Variants in FGD4 observed in about 807,000 individuals in gnomAD.
FGD4 encodes the protein FYVE, RhoGEF and PH domain-containing protein 4.
In FGD4, 42 loss-of-function variants were observed where a neutral mutation model predicts 102.0. That is an observed-to-expected ratio of 0.41 (90% CI 0.32 to 0.53). FGD4 has a LOEUF of 0.53. FGD4 is among the 20% of genes least tolerant of loss of function. The pLI, the probability that FGD4 is intolerant of heterozygous loss-of-function variation, is 0.21. For synonymous variants in FGD4, 380 were observed against 375.7 expected (o/e 1.01, Z -0.13); for missense variants, 902 against 1,078.2 (o/e 0.84, Z 2.29).
intron 1 of FGD4, among the ~76,000 whole-genome samples, chr12:32,402,958 T>C (rs1308443520): frequency 6.6e-6 from 1 of 152,166 alleles, no homozygotes; most frequent in African/African-American, 2.4e-5. Context: ...TATCATTAGA[T>C]AAGTCTGTTC....
At chr12:32,504,612 CTTTTCAATTCT>C (rs1009088749) in intron 1 of FGD4, among the ~76,000 whole-genome samples, 4 of 152,170 alleles carry the variant, frequency 2.6e-5, no homozygotes, top group African/African-American at 9.7e-5. Context: ...GGGCTTGATG[CTTTTCAATTCT>C]TCAATACAAC....
chr12:32,582,392 A>C lies in FGD4; in HGVS notation c.936A>C (p.Glu312Asp). 1 of 1,614,128 alleles carries C rather than the reference A, an allele frequency of 6.2e-7. No homozygotes were observed. The highest frequency in any genetic ancestry group is 1.1e-5 in the South Asian group (1 of 91,088). ...LPLEERGAETETKVQERENGE... is the reference protein window; with the variant it reads ...LPLEERGAETDTKVQERENGE... Reference sequence around the variant, plus strand: ...TAGAAGAAAGAGGGGCAGAAACAGAAACCAAGGTACAAGAGAGGGAAAATG... The same window carrying C: ...TAGAAGAAAGAGGGGCAGAAACAGACACCAAGGTACAAGAGAGGGAAAATG... The change falls in exon 4 of 17, where the codon GAA becomes GAC. Residue 312 changes from glutamate (E) to aspartate (D), a missense_variant. Glu to Asp is a conservative substitution (Grantham distance 45). Coordinates refer to ENST00000534526, the MANE Select transcript of FGD4 (RefSeq NM_001370298.3).
At chr12:32,601,566 G>T in intron 6 of FGD4, 143 bp downstream of exon 6, 1 of 1,013,438 alleles carries the variant, frequency 9.9e-7, no homozygotes. Context: ...GATAGAAGTT[G>T]TGGTACAAAG....
chr12:32,640,176 G>T (rs182401935), intron 16 of FGD4, 100 bp from the exon 17 acceptor site: 1 of 1,586,810 alleles, frequency 6.3e-7, no homozygotes, highest in Non-Finnish European at 8.6e-7. Flanking sequence ...GTTTAAGTCT[G>T]TTTGGGACAG....
intron 1 of FGD4, chr12:32,485,957 T>C: frequency 7.7e-7 from 1 of 1,303,318 alleles, no homozygotes; most frequent in Non-Finnish European, 9.7e-7. Context: ...GAAACAGAAC[T>C]CTGTACTTCC....
At chr12:32,526,287 C>G (rs12820309) in intron 1 of FGD4, among the ~76,000 whole-genome samples, 2,246 of 151,756 alleles carry the variant, frequency 0.015, 37 homozygotes, top group Non-Finnish European at 0.019. Context: ...ACCTTTATGT[C>G]TAGCTCAAGG....
At chr12:32,523,741 G>A (rs890612608) in intron 1 of FGD4, among the ~76,000 whole-genome samples, 6 of 152,132 alleles carry the variant, frequency 3.9e-5, no homozygotes, top group Non-Finnish European at 7.4e-5. Flanking sequence ...TTGGGAGGCC[G>A]AGGCGGGCAG....
chr12:32,417,174 A>G (rs1230939492), intron 1 of FGD4, among the ~76,000 whole-genome samples: 1 of 152,028 alleles, frequency 6.6e-6, no homozygotes, highest in Non-Finnish European at 1.5e-5. Context: ...AATTACGGGC[A>G]TGAGCCACCG....
At chr12:32,539,575 G>GT (rs1942628137) in intron 1 of FGD4, among the ~76,000 whole-genome samples, 1 of 149,580 alleles carries the variant, frequency 6.7e-6, no homozygotes, top group African/African-American at 2.5e-5. Flanking sequence ...GTCTCAGGGG[G>GT]GAAAAAAAAA....
At chr12:32,473,320 T>C (rs10771956) in intron 1 of FGD4, among the ~76,000 whole-genome samples, 147,463 of 151,924 alleles carry the variant, frequency 0.97, 71,752 homozygotes, top group East Asian at 1. Flanking sequence ...ACTGCTCACT[T>C]TTTGGGTCCA....
At chr12:32,421,343 T>G (rs933518421) in intron 1 of FGD4, among the ~76,000 whole-genome samples, 1 of 152,234 alleles carries the variant, frequency 6.6e-6, no homozygotes, top group Non-Finnish European at 1.5e-5. Flanking sequence ...GAGAATAGTA[T>G]ACTTTTTGTT....
At chr12:32,601,202 C>A in intron 5 of FGD4, 76 bp from the exon 6 acceptor site, 2 of 1,475,638 alleles carry the variant, frequency 1.4e-6, no homozygotes, top group Non-Finnish European at 1.9e-6. Flanking sequence ...TACTAAGAGC[C>A]CACTATGTGC....
At chr12:32,437,145 C>G (rs1015409261) in intron 1 of FGD4, among the ~76,000 whole-genome samples, 10 of 149,372 alleles carry the variant, frequency 6.7e-5, no homozygotes, top group Non-Finnish European at 1.3e-4. Context: ...AAACAAATCA[C>G]ACAGAACATG....
intron 2 of FGD4, among the ~76,000 whole-genome samples, chr12:32,571,454 C>CA (rs567887606): frequency 0.016 from 1,833 of 117,964 alleles, 24 homozygotes; most frequent in South Asian, 0.075. Context: ...GATTCTGTCT[C>CA]AAAAAAAAAA....
intron 1 of FGD4, among the ~76,000 whole-genome samples, chr12:32,426,322 C>A (rs967271935): frequency 1.3e-5 from 2 of 152,170 alleles, no homozygotes; most frequent in Admixed American, 6.6e-5. Context: ...TTGAGATAAT[C>A]ATGTGGTTTT....
chr12:32,412,797 G>T (rs750693680), intron 1 of FGD4, among the ~76,000 whole-genome samples: 5 of 151,500 alleles, frequency 3.3e-5, no homozygotes, highest in African/African-American at 7.3e-5. Context: ...GGCCAGGATG[G>T]TCTCAATCTC....
rs1949117700 is a variant in FGD4 at position 32,611,269 on chromosome 12, C to T, written c.1735C>T (p.Arg579Cys). 4 of 1,614,148 alleles carry T rather than the reference C, an allele frequency of 2.5e-6. No homozygotes were observed. The highest frequency in any genetic ancestry group is 3.4e-6 in the Non-Finnish European group (4 of 1,180,026). Residue 579 changes from arginine (R) to cysteine (C), a missense_variant, in exon 10 of 17, where the codon CGC becomes TGC. By Grantham distance (180) the Arg-to-Cys change is radical (BLOSUM62 -3). Transcript: ENST00000534526. Reference sequence around the variant, plus strand: ...TGCTCGGAACACTTCAGCACAAGAACGCTACCTTTTCTTAGTGAGTATTAT... The same window carrying T: ...TGCTCGGAACACTTCAGCACAAGAATGCTACCTTTTCTTAGTGAGTATTAT... The part of the protein sequence containing the change: ...LAARNTSAQE[R>C]YLFLFNNMLL...
intron 1 of FGD4, among the ~76,000 whole-genome samples, chr12:32,536,417 A>G (rs1261813068): frequency 6.6e-6 from 1 of 152,176 alleles, no homozygotes; most frequent in Non-Finnish European, 1.5e-5. Flanking sequence ...ATAAAAAGGT[A>G]TTTTCTTAGA....
chr12:32,533,799 T>C (rs942669885), intron 1 of FGD4, among the ~76,000 whole-genome samples: 6 of 152,224 alleles, frequency 3.9e-5, no homozygotes, highest in African/African-American at 1.4e-4. Flanking sequence ...TAAAAATGAG[T>C]AATAAATATT....
Sources: gnomAD v4.1 joint callset for allele counts (sites outside exome capture counted in the v4.1 genomes callset) on GRCh38, gnomAD v4.1.1 for gene constraint, MANE v1.5 for transcripts, NCBI Gene and HGNC (gene_info 2026-07-23, HGNC 2026-07-21) for gene names.